CAMTA1: variants seen among roughly 807,000 people sequenced by gnomAD.
CAMTA1 encodes calmodulin binding transcription activator 1, also known as calmodulin-binding transcription activator 1.
A neutral mutation model predicts 170.9 loss-of-function variants in CAMTA1; 27 were observed. That is an observed-to-expected ratio of 0.16 (90% CI 0.12 to 0.22). The LOEUF (loss-of-function observed/expected upper bound fraction) is 0.22. Ranked by LOEUF, CAMTA1 falls within the 10% of genes least tolerant of loss-of-function variation. The pLI is 1.00. For synonymous variants in CAMTA1, 833 were observed against 891.5 expected (o/e 0.93, Z 1.17); for missense variants, 1,619 against 2,217.2 (o/e 0.73, Z 5.42).
At chr1:6,901,685 G>T (rs971333032) in intron 3 of CAMTA1, among the ~76,000 whole-genome samples, 4 of 152,138 alleles carry the variant, frequency 2.6e-5, no homozygotes, top group Admixed American at 1.3e-4. Flanking sequence ...AGTTACTAGG[G>T]TATCTTCCCA....
At chr1:7,566,759 T>C (rs2095047851) in intron 6 of CAMTA1, among the ~76,000 whole-genome samples, 1 of 152,198 alleles carries the variant, frequency 6.6e-6, no homozygotes, top group African/African-American at 2.4e-5. Context: ...GACAACGAGA[T>C]GTCCAGTCTT....
intron 1 of CAMTA1, among the ~76,000 whole-genome samples, chr1:6,818,933 AT>A (rs1440407442): frequency 6.6e-6 from 1 of 151,944 alleles, no homozygotes; most frequent in African/African-American, 2.4e-5. Context: ...GAGCCACCAC[AT>A]TTATTTATTT....
intron 1 of CAMTA1, among the ~76,000 whole-genome samples, chr1:6,802,905 C>T (rs557362718): frequency 3.3e-5 from 5 of 152,160 alleles, no homozygotes; most frequent in East Asian, 1.9e-4. Context: ...CCACAACGCC[C>T]GGCTGATTTT....
rs1039308531 is a variant in CAMTA1, at chr1:7,565,243, G to A, written c.511-75157G>A. On this transcript the variant is annotated intron_variant, in intron 6 of 22. Coordinates refer to ENST00000303635, the MANE Select transcript of CAMTA1 (RefSeq NM_015215.4). The surrounding 1 kb of genome is among the most constrained non-coding windows in gnomAD (Gnocchi z 4.5). ...CTCATTCCCCGGAGAAGCACCCAGA[G>A]AGATGTAGCTGCCATAAAGGGCTGG... Among the ~76,000 whole-genome samples the A allele has an allele frequency of 1.7e-4, 26 of 152,182 alleles. No homozygotes were observed. Among genetic ancestry groups the A allele is most frequent in the Admixed American group, 1.6e-3 (25 of 15,286 alleles).
rs553237159 is a variant in CAMTA1, at chr1:7,449,358, C to T, written c.439-18472C>T. Among the ~76,000 whole-genome samples, 221 of 152,320 alleles carry T rather than the reference C, an allele frequency of 1.5e-3. 1 individual carries two copies. The highest frequency in any genetic ancestry group is 5.1e-3 in the African/African-American group (213 of 41,572). ...AGAAGTCAGAAGCAGTCTAAGACCA[C>T]CGGGCCAGGCAGAGCAGCTCCCACC... On this transcript the variant is annotated intron_variant, in intron 5 of 22. Coordinates refer to ENST00000303635, the MANE Select transcript of CAMTA1 (RefSeq NM_015215.4).
At chr1:7,335,154 G>GTGTGTGTGTGTGTGTGTGTT (rs2083297118) in intron 5 of CAMTA1, among the ~76,000 whole-genome samples, 1 of 103,506 alleles carries the variant, frequency 9.7e-6, no homozygotes, top group African/African-American at 3.6e-5. Flanking sequence ...GGGGGGGGGG[G>GTGTGTGTGTGTGTGTGTGTT]GGGTGGGGGT....
At chr1:7,215,127 C>T (rs1353494278) in intron 4 of CAMTA1, among the ~76,000 whole-genome samples, 5 of 151,580 alleles carry the variant, frequency 3.3e-5, no homozygotes, top group Non-Finnish European at 7.4e-5. Flanking sequence ...TGTGTTTTCT[C>T]ATTCTTTGAT....
Position 6,895,942 on chromosome 1 carries a change from G to C in CAMTA1, c.234+70732G>C, listed in dbSNP as rs182342891. Among the ~76,000 whole-genome samples, 709 of 152,210 alleles carry C rather than the reference G, an allele frequency of 4.7e-3. 4 individuals carry two copies. The highest frequency in any genetic ancestry group is 0.016 in the African/African-American group (666 of 41,534). Reference sequence around the variant, plus strand: ...CCTATTAGCTCTTTTAGGGCAGGGGGCCCTGTCTATCTCCTTTTCAGCTAT... The same window carrying C: ...CCTATTAGCTCTTTTAGGGCAGGGGCCCCTGTCTATCTCCTTTTCAGCTAT... On this transcript the variant is annotated intron_variant, in intron 3 of 22. Coordinates refer to ENST00000303635, the MANE Select transcript of CAMTA1 (RefSeq NM_015215.4).
chr1:7,053,838 G>A (rs1270054086), intron 3 of CAMTA1, among the ~76,000 whole-genome samples: 1 of 152,192 alleles, frequency 6.6e-6, no homozygotes. Context: ...GCATGTCTCT[G>A]TGAATGAATG....
In CAMTA1 at chr1:7,378,200, A is replaced by G. The variant is rs141817864; in HGVS notation, c.439-89630A>G. On this transcript the variant is annotated intron_variant, in intron 5 of 22. Transcript: ENST00000303635. The stretch of plus-strand genomic sequence containing the variant: ...ATAAGTGCTGGAGGGCAGTTGATCT[A>G]TGCACTGTAGCACCTGCTATTCCTG... Among the ~76,000 whole-genome samples the G allele has an allele frequency of 2.6e-5, 4 of 152,314 alleles. No homozygotes were observed. In the East Asian group the frequency reaches 7.7e-4, roughly 29 times the overall value.
chr1:7,662,070 T>A (rs569611889), intron 8 of CAMTA1, among the ~76,000 whole-genome samples: 1 of 152,318 alleles, frequency 6.6e-6, no homozygotes, highest in East Asian at 1.9e-4. Context: ...TGGCTGGCAG[T>A]CCGCTCTGGG....
intron 5 of CAMTA1, among the ~76,000 whole-genome samples, chr1:7,407,984 C>T (rs2090422189): frequency 6.6e-6 from 1 of 152,170 alleles, no homozygotes; most frequent in South Asian, 2.1e-4. Flanking sequence ...TCTCAACAAA[C>T]ACCAATGCAA....
intron 6 of CAMTA1, among the ~76,000 whole-genome samples, chr1:7,541,917 C>T (rs1238502868): frequency 6.6e-6 from 1 of 152,180 alleles, no homozygotes; most frequent in Non-Finnish European, 1.5e-5. Flanking sequence ...TCCATGAAGT[C>T]ACCAGCACCG....
At chr1:7,467,498 C>T (rs1333031682) in intron 5 of CAMTA1, among the ~76,000 whole-genome samples, 3 of 152,244 alleles carry the variant, frequency 2.0e-5, no homozygotes, top group African/African-American at 7.2e-5. Flanking sequence ...TACAGAGTAA[C>T]TCCAAGCCCC....
intron 4 of CAMTA1, among the ~76,000 whole-genome samples, chr1:7,147,767 A>G (rs1646303746): frequency 6.7e-6 from 1 of 148,988 alleles, no homozygotes; most frequent in African/African-American, 2.5e-5. Flanking sequence ...CTCATATACC[A>G]TGCACACACA....
At chr1:7,150,432 C>T (rs1399198693) in intron 4 of CAMTA1, among the ~76,000 whole-genome samples, 1 of 152,140 alleles carries the variant, frequency 6.6e-6, no homozygotes. Flanking sequence ...AGATGCTTTT[C>T]CTCAGAGACA....
At chr1:7,473,044 C>G (rs1034428788) in intron 6 of CAMTA1, among the ~76,000 whole-genome samples, 1 of 152,192 alleles carries the variant, frequency 6.6e-6, no homozygotes, top group East Asian at 1.9e-4. Flanking sequence ...GCCTGGGGCT[C>G]TGAAACCAGG....
chr1:6,800,898 G>C (rs959402582), intron 1 of CAMTA1, among the ~76,000 whole-genome samples: 1 of 152,170 alleles, frequency 6.6e-6, no homozygotes, highest in Non-Finnish European at 1.5e-5. Context: ...CCTGGTGTTC[G>C]TGTAAACATT....
At chr1:7,282,613 CCTT>C (rs1333757928) in intron 5 of CAMTA1, among the ~76,000 whole-genome samples, 1 of 152,162 alleles carries the variant, frequency 6.6e-6, no homozygotes, top group African/African-American at 2.4e-5. Flanking sequence ...TCTGGCCACT[CCTT>C]CTGGATCTAA....
Sources: allele counts gnomAD v4.1 joint callset (sites outside exome capture counted in the v4.1 genomes callset), GRCh38; gene constraint gnomAD v4.1.1; non-coding constraint Gnocchi (gnomAD v3.1); transcripts MANE v1.5; gene names NCBI Gene and HGNC (gene_info 2026-07-23, HGNC 2026-07-21).